SETBP1: variants seen among roughly 807,000 people sequenced by gnomAD.
SETBP1 encodes SET binding protein 1.
Under a neutral mutation model 101.0 loss-of-function variants are expected in SETBP1, and 9 were observed. The observed-to-expected ratio is 0.09, with a 90% CI of 0.05 to 0.16. The LOEUF (loss-of-function observed/expected upper bound fraction) is 0.16. SETBP1 is among the 10% of genes least tolerant of loss of function. SETBP1 has a pLI of 1.00. For synonymous variants in SETBP1, 818 were observed against 788.5 expected, an observed-to-expected ratio of 1.04 and a Z score of -0.63; for missense variants, 1,858 against 2,033.8, an observed-to-expected ratio of 0.91 and a Z score of 1.66.
chr18:44,788,790 ATTTTTTTTTTTTTT>A (rs34929410), intron 2 of SETBP1, among the ~76,000 whole-genome samples: 1 of 80,434 alleles, frequency 1.2e-5, no homozygotes, highest in African/African-American at 5.3e-5. Context: ...TTCCTTTTTA[ATTTTTTTTTTTTTT>A]TTTTTTTTTT....
At chr18:44,818,223 G>C (rs951626822) in intron 2 of SETBP1, among the ~76,000 whole-genome samples, 2 of 152,158 alleles carry the variant, frequency 1.3e-5, no homozygotes, top group South Asian at 4.1e-4. Context: ...TTTAATTGGA[G>C]AGATGTTTCA....
chr18:44,785,087 A>G (rs188409632), intron 2 of SETBP1, among the ~76,000 whole-genome samples: 7 of 152,330 alleles, frequency 4.6e-5, no homozygotes, highest in East Asian at 3.9e-4. Context: ...TTTTAAAGGA[A>G]GCCAATTTTA....
intron 2 of SETBP1, among the ~76,000 whole-genome samples, chr18:44,738,452 A>C (rs1280522980): frequency 2.0e-5 from 3 of 152,192 alleles, no homozygotes; most frequent in African/African-American, 7.2e-5. Flanking sequence ...ATGAGTGTTC[A>C]CATTTTCCAT....
chr18:44,797,996 G>A (rs2071519443), intron 2 of SETBP1, among the ~76,000 whole-genome samples: 1 of 152,060 alleles, frequency 6.6e-6, no homozygotes, highest in Non-Finnish European at 1.5e-5. Context: ...CACATTCCCT[G>A]ACATCTAAGC....
intron 4 of SETBP1, among the ~76,000 whole-genome samples, chr18:44,962,918 C>G (rs937791842): frequency 6.6e-5 from 10 of 152,132 alleles, no homozygotes; most frequent in African/African-American, 2.4e-4. Context: ...AAAAAGCTTT[C>G]CCTGAGGCTA....
intron 2 of SETBP1, among the ~76,000 whole-genome samples, chr18:44,782,768 G>A (rs1055706553): frequency 1.3e-5 from 2 of 152,160 alleles, no homozygotes; most frequent in East Asian, 3.8e-4. Flanking sequence ...CCCCCAGCTT[G>A]TATTCGCGGT....
intron 2 of SETBP1, among the ~76,000 whole-genome samples, chr18:44,842,149 G>T (rs1213853097): frequency 6.6e-6 from 1 of 152,200 alleles, no homozygotes; most frequent in Non-Finnish European, 1.5e-5. Flanking sequence ...GAGTGTCCAG[G>T]AGGGACTGAG....
chr18:44,784,730 C>T (rs994305353), intron 2 of SETBP1, among the ~76,000 whole-genome samples: 1 of 152,194 alleles, frequency 6.6e-6, no homozygotes, highest in African/African-American at 2.4e-5. Context: ...GAGGTTAGTG[C>T]ATGTTGACCG....
At chr18:44,878,119 C>G (rs2069450789) in intron 3 of SETBP1, among the ~76,000 whole-genome samples, 1 of 152,102 alleles carries the variant, frequency 6.6e-6, no homozygotes, top group Non-Finnish European at 1.5e-5. Flanking sequence ...CTAGTATATT[C>G]AAATATGATG....
At chr18:45,048,829 G>A (rs1333783170) in intron 5 of SETBP1, among the ~76,000 whole-genome samples, 2 of 150,140 alleles carry the variant, frequency 1.3e-5, no homozygotes, top group Non-Finnish European at 3.0e-5. Flanking sequence ...AAAATTAGCC[G>A]GGCGCGGTGG....
rs540375392 is a variant in SETBP1 at position 44,920,520 on chromosome 18, C to T, written c.541-29361C>T. Among the ~76,000 whole-genome samples, 10 of 152,180 alleles carry T rather than the reference C, an allele frequency of 6.6e-5. No individual in the cohort carries two copies. The South Asian group carries it at 1.5e-3, about 22-fold the overall frequency. ...AGACTAATTGTAATTCGGCTAAGCCCGGCAAGAAAGAGAGAATCCTGCAAG... is the reference window on the plus strand; with the variant it reads ...AGACTAATTGTAATTCGGCTAAGCCTGGCAAGAAAGAGAGAATCCTGCAAG... On this transcript the variant is annotated intron_variant, in intron 3 of 5. Transcript: ENST00000649279.
chr18:44,713,984 C>G (rs1450311163), intron 2 of SETBP1, among the ~76,000 whole-genome samples: 1 of 152,192 alleles, frequency 6.6e-6, no homozygotes, highest in African/African-American at 2.4e-5. Context: ...AGAGATACAT[C>G]TCTAGATGGC....
At chr18:44,914,628 G>A (rs1302438371) in intron 3 of SETBP1, among the ~76,000 whole-genome samples, 1 of 152,150 alleles carries the variant, frequency 6.6e-6, no homozygotes, top group African/African-American at 2.4e-5. Context: ...ATGGTGGGAG[G>A]TGGTAGGAAG....
intron 5 of SETBP1, among the ~76,000 whole-genome samples, chr18:45,042,430 A>G (rs527740939): frequency 7.2e-5 from 11 of 152,196 alleles, no homozygotes; most frequent in Middle Eastern, 3.2e-3. Flanking sequence ...GATTACAGGC[A>G]TAATGACAAT....
intron 4 of SETBP1, among the ~76,000 whole-genome samples, chr18:44,970,818 T>A (rs2071832869): frequency 6.6e-6 from 1 of 152,230 alleles, no homozygotes; most frequent in Non-Finnish European, 1.5e-5. Context: ...CCCAAAGTGC[T>A]GGGATTACAG....
chr18:44,830,737 G>A (rs2072344853), intron 2 of SETBP1, among the ~76,000 whole-genome samples: 1 of 152,184 alleles, frequency 6.6e-6, no homozygotes, highest in Admixed American at 6.6e-5. Context: ...GTGAATACAG[G>A]AAAACCACAC....
At chr18:45,034,733 C>T (rs539155389) in intron 4 of SETBP1, among the ~76,000 whole-genome samples, 11 of 152,234 alleles carry the variant, frequency 7.2e-5, no homozygotes, top group Middle Eastern at 3.4e-3. Flanking sequence ...CAGTTTGTCT[C>T]GTGTTGGGGT....
chr18:44,893,788 C>T (rs186578853), intron 3 of SETBP1, among the ~76,000 whole-genome samples: 2 of 152,024 alleles, frequency 1.3e-5, no homozygotes, highest in Admixed American at 1.3e-4. Context: ...TTTCTTTAAA[C>T]TCTTATTTTA....
At chr18:44,987,084 A>G (rs1175266935) in intron 4 of SETBP1, 1 of 152,166 alleles carries the variant, frequency 6.6e-6, no homozygotes, top group Non-Finnish European at 1.5e-5. Flanking sequence ...CCATCACCAC[A>G]AACACTTGCA....
Sources: allele counts gnomAD v4.1 joint callset (sites outside exome capture counted in the v4.1 genomes callset), GRCh38; gene constraint gnomAD v4.1.1; transcripts MANE v1.5; gene names NCBI Gene and HGNC (gene_info 2026-07-23, HGNC 2026-07-21).